MYT1L: variants seen among roughly 807,000 people sequenced by gnomAD.
MYT1L encodes the protein myelin transcription factor 1-like protein.
A neutral mutation model predicts 126.7 loss-of-function variants in MYT1L; 12 were observed. The observed-to-expected ratio is 0.09, with a 90% confidence interval of 0.06 to 0.15. The LOEUF is 0.15. Ranked by LOEUF, MYT1L falls within the 10% of genes least tolerant of loss-of-function variation. The probability of loss-of-function intolerance (pLI) is 1.00; values close to 1 mark genes in which losing one functional copy is unlikely to be tolerated. For missense variants in MYT1L, 979 were observed against 1,585.2 expected, an observed-to-expected ratio of 0.62 and a Z score of 6.49; for synonymous variants, 541 against 604.2, an observed-to-expected ratio of 0.90 and a Z score of 1.53.
rs1041180492 is a variant in MYT1L, at chr2:1,943,637, G to A, written c.153-303C>T. 6.6e-6 allele frequency among the ~76,000 whole-genome samples: 1 copy of A among 152,038 alleles called. No homozygotes were observed. Among genetic ancestry groups the A allele is most frequent in the African/African-American group, 2.4e-5 (1 of 41,390 alleles). On this transcript the variant is annotated intron_variant, in intron 8 of 24. Coordinates refer to ENST00000647738, the MANE Select transcript of MYT1L (RefSeq NM_001303052.2). The surrounding 1 kb of genome is among the most constrained non-coding windows in gnomAD (Gnocchi z 4.4). ...AGATCCTACGAAAATTCATGAGATT[G>A]GTTTGCATAATGTGTATAACATGTA...
chr2:2,214,677 A>G (rs980766095), intron 2 of MYT1L, among the ~76,000 whole-genome samples: 19 of 152,188 alleles, frequency 1.2e-4, no homozygotes. Context: ...GAGAAGCTGA[A>G]AGAATATGTG....
chr2:2,205,989 T>TTTTCTTTTCTTTTCTTTC (rs1559334824), intron 2 of MYT1L, among the ~76,000 whole-genome samples: 2,571 of 97,802 alleles, frequency 0.026, 65 homozygotes, highest in African/African-American at 0.081. Context: ...CTTTTCTTTC[T>TTTTCTTTTCTTTTCTTTC]TTTTTTTTTT....
At chr2:2,039,241 A>G (rs17338568) in intron 4 of MYT1L, among the ~76,000 whole-genome samples, 5,992 of 152,162 alleles carry the variant, frequency 0.039, 155 homozygotes, top group Non-Finnish European at 0.05. Context: ...ACTATTTTAT[A>G]AACATTCTAC....
intron 18 of MYT1L, among the ~76,000 whole-genome samples, chr2:1,862,296 G>T (rs2044788699): frequency 6.6e-6 from 1 of 151,774 alleles, no homozygotes; most frequent in South Asian, 2.1e-4. Flanking sequence ...TCTTTATTTT[G>T]CAGGCAAGGA....
At chr2:2,217,230 T>C (rs1417338732) in intron 2 of MYT1L, among the ~76,000 whole-genome samples, 6 of 152,004 alleles carry the variant, frequency 3.9e-5, no homozygotes, top group African/African-American at 1.5e-4. Flanking sequence ...CAGACAAATA[T>C]CCATAATGAA....
intron 2 of MYT1L, among the ~76,000 whole-genome samples, chr2:2,233,405 G>A (rs35105424): frequency 0.15 from 23,309 of 152,160 alleles, 2,006 homozygotes; most frequent in South Asian, 0.33. Flanking sequence ...CTAGGGTTGC[G>A]CTGTGATGCT....
In MYT1L at chr2:2,193,666, G is replaced by T. The variant is rs2092687838; in HGVS notation, c.-420-20678C>A. On this transcript the variant is annotated intron_variant, in intron 2 of 24. Coordinates refer to ENST00000647738, the MANE Select transcript of MYT1L (RefSeq NM_001303052.2). ...ATTCTAAGAAAAGACAAAAGAGTGA[G>T]AATTGAAAATAACTGAGCAGTCGTC... is the stretch of plus-strand genomic sequence containing the variant. 2.0e-5 allele frequency among the ~76,000 whole-genome samples: 3 copies of T among 152,216 alleles called. No homozygotes were observed. The South Asian group carries it at 6.2e-4, about 32-fold the overall frequency.
At chr2:1,930,781 A>C (rs958300048) in intron 9 of MYT1L, among the ~76,000 whole-genome samples, 1 of 152,244 alleles carries the variant, frequency 6.6e-6, no homozygotes, top group African/African-American at 2.4e-5. Context: ...GCATGTTTTT[A>C]AACTTTTAGG....
At chr2:2,289,835 G>A (rs78026537) in intron 1 of MYT1L, among the ~76,000 whole-genome samples, 2,352 of 152,302 alleles carry the variant, frequency 0.015, 58 homozygotes, top group African/African-American at 0.053. Flanking sequence ...AATAGCCACA[G>A]TCATAAATCC....
chr2:2,239,949 A>C (rs1227237791), intron 2 of MYT1L, among the ~76,000 whole-genome samples: 1 of 152,050 alleles, frequency 6.6e-6, no homozygotes, highest in African/African-American at 2.4e-5. Flanking sequence ...CCATTCTTTC[A>C]TCCATTCTTT....
chr2:1,969,905 G>A (rs972192333), intron 8 of MYT1L, among the ~76,000 whole-genome samples: 4 of 152,122 alleles, frequency 2.6e-5, no homozygotes, highest in Admixed American at 1.3e-4. Context: ...ACAGTGATTC[G>A]GTGTTGTTCA....
At chr2:1,980,484 C>T (rs1330692327) in intron 5 of MYT1L, among the ~76,000 whole-genome samples, 1 of 151,946 alleles carries the variant, frequency 6.6e-6, no homozygotes, top group African/African-American at 2.4e-5. Flanking sequence ...TGCAATTGTC[C>T]TCCACATTTA....
chr2:2,270,709 A>G (rs904175690), intron 2 of MYT1L, among the ~76,000 whole-genome samples: 1 of 152,024 alleles, frequency 6.6e-6, no homozygotes, highest in African/African-American at 2.4e-5. Flanking sequence ...ATACATAATC[A>G]AGCAAAAGTA....
At chr2:2,263,576 G>A (rs1415829209) in intron 2 of MYT1L, among the ~76,000 whole-genome samples, 1 of 152,168 alleles carries the variant, frequency 6.6e-6, no homozygotes, top group Non-Finnish European at 1.5e-5. Context: ...AGCAGTGCCC[G>A]TTGCTGCTGC....
At chr2:1,999,807 A>G (rs2062191877) in intron 4 of MYT1L, among the ~76,000 whole-genome samples, 1 of 152,232 alleles carries the variant, frequency 6.6e-6, no homozygotes, top group Non-Finnish European at 1.5e-5. Flanking sequence ...TATTAGTAAT[A>G]ATACCCAGAA....
At chr2:2,096,164 G>T (rs2077449035) in intron 3 of MYT1L, among the ~76,000 whole-genome samples, 1 of 152,234 alleles carries the variant, frequency 6.6e-6, no homozygotes, top group South Asian at 2.1e-4. Context: ...AGAAGAAAGA[G>T]ACATTGAACC....
chr2:2,322,770 C>T (rs1213629017), intron 1 of MYT1L, among the ~76,000 whole-genome samples: 1 of 152,098 alleles, frequency 6.6e-6, no homozygotes, highest in East Asian at 1.9e-4. Context: ...AAGCTAAAAG[C>T]AGCTATATTA....
chr2:2,106,043 T>G (rs2078711848), intron 3 of MYT1L, among the ~76,000 whole-genome samples: 1 of 152,128 alleles, frequency 6.6e-6, no homozygotes, highest in African/African-American at 2.4e-5. Flanking sequence ...CAGCTCTGAT[T>G]TGTACCCTGT....
At chr2:2,176,410 A>T (rs1441847581) in intron 2 of MYT1L, among the ~76,000 whole-genome samples, 2 of 152,198 alleles carry the variant, frequency 1.3e-5, no homozygotes, top group East Asian at 3.8e-4. Context: ...TTGGCAATTA[A>T]AAAGGTTCGG....
Sources: gnomAD v4.1 joint callset for allele counts (sites outside exome capture counted in the v4.1 genomes callset) on GRCh38, gnomAD v4.1.1 for gene constraint, Gnocchi (gnomAD v3.1) non-coding constraint, MANE v1.5 for transcripts, NCBI Gene and HGNC (gene_info 2026-07-23, HGNC 2026-07-21) for gene names.